Variants in STK4 observed in about 807,000 individuals in gnomAD.
The protein encoded by STK4 is serine/threonine-protein kinase 4.
Under a neutral mutation model 64.9 loss-of-function variants are expected in STK4, and 30 were observed. The observed-to-expected ratio is 0.46, with a 90% CI of 0.35 to 0.63. STK4 has a LOEUF of 0.63. STK4 is among the 20% of genes least tolerant of loss of function. The pLI is 0.01. For missense variants in STK4, 466 were observed against 598.5 expected, an observed-to-expected ratio of 0.78 and a Z score of 2.31; for synonymous variants, 177 against 199.0, an observed-to-expected ratio of 0.89 and a Z score of 0.93.
chr20:45,062,958 GGGATTACAGGT>G (rs1206700269), intron 10 of STK4, among the ~76,000 whole-genome samples: 1 of 136,410 alleles, frequency 7.3e-6, no homozygotes, highest in Non-Finnish European at 1.5e-5. Context: ...CCAAAGTGCT[GGGATTACAGGT>G]GTGAGCCACC....
intron 10 of STK4, among the ~76,000 whole-genome samples, chr20:45,025,859 T>C (rs1258129336): frequency 6.6e-6 from 1 of 152,216 alleles, no homozygotes; most frequent in East Asian, 1.9e-4. Flanking sequence ...AGATTGGGCA[T>C]TGGGCTTGAA....
At chr20:44,974,301 C>T (rs558223141) in intron 2 of STK4, 7 of 152,158 alleles carry the variant, frequency 4.6e-5, no homozygotes, top group Non-Finnish European at 8.8e-5. Context: ...AACAAAGCTT[C>T]AGATCTTTCT....
Position 44,996,659 on chromosome 20 carries a change from A to G in STK4, c.694-510A>G, listed in dbSNP as rs888155198. Among the ~76,000 whole-genome samples the G allele has an allele frequency of 5.3e-5, 8 of 152,128 alleles. No homozygotes were observed. In the East Asian group the frequency reaches 7.7e-4, roughly 15 times the overall value. ...AATGTAACTGCAACGTAGTGGGCCA[A>G]TTTTTAATTTTTCCCCCTCACACAT... On this transcript the variant is annotated intron_variant, in intron 6 of 10. Transcript: ENST00000372806.
chr20:44,972,191 G>T lies in STK4; in HGVS notation c.116+33G>T, dbSNP rs774145341. 1.5e-5 allele frequency: 23 copies of T among 1,578,484 alleles called. No homozygotes were observed. In the East Asian group the frequency reaches 4.7e-4, roughly 32 times the overall value. The stretch of plus-strand genomic sequence containing the variant: ...TAAAGAAACTATAGGTAGGTCATTG[G>T]GTCCCAGTCTTTTTCCTGCCCCAGA... On this transcript the variant is annotated intron_variant, in intron 2 of 10. Transcript: ENST00000372806.
intron 10 of STK4, among the ~76,000 whole-genome samples, chr20:45,046,349 C>T (rs1021257309): frequency 6.6e-6 from 1 of 150,876 alleles, no homozygotes; most frequent in Non-Finnish European, 1.5e-5. Flanking sequence ...GCAGAAGGAT[C>T]GTTTGAGCCC....
intron 2 of STK4, among the ~76,000 whole-genome samples, chr20:44,977,249 G>T (rs2067355430): frequency 6.6e-6 from 1 of 152,194 alleles, no homozygotes; most frequent in East Asian, 1.9e-4. Flanking sequence ...GCTTCTAATG[G>T]AATGGAAATA....
At chr20:45,044,102 T>A (rs2068655909) in intron 10 of STK4, among the ~76,000 whole-genome samples, 1 of 152,248 alleles carries the variant, frequency 6.6e-6, no homozygotes, top group Non-Finnish European at 1.5e-5. Flanking sequence ...TTTCTTCCTT[T>A]CTTTTCCTTA....
At chr20:45,038,740 A>G (rs1267032458) in intron 10 of STK4, among the ~76,000 whole-genome samples, 1 of 152,072 alleles carries the variant, frequency 6.6e-6, no homozygotes, top group Non-Finnish European at 1.5e-5. Context: ...TTTCGTTTAT[A>G]CTAATATTTA....
chr20:44,980,284 G>C (rs34748157), intron 3 of STK4, among the ~76,000 whole-genome samples: 38,688 of 152,062 alleles, frequency 0.25, 5,613 homozygotes, highest in Middle Eastern at 0.43. Context: ...ATGTGTGTGT[G>C]TGTTTTGCTG....
intron 2 of STK4, chr20:44,972,385 T>G (rs530314413): frequency 1.5e-5 from 6 of 407,642 alleles, no homozygotes; most frequent in African/African-American, 1.2e-4. Context: ...TTTTGTAGGA[T>G]CTGTATGATT....
At chr20:45,024,546 A>G (rs956935362) in intron 9 of STK4, among the ~76,000 whole-genome samples, 7 of 152,184 alleles carry the variant, frequency 4.6e-5, no homozygotes, top group African/African-American at 1.7e-4. Flanking sequence ...CTACTGTATC[A>G]TCCCCTCTTC....
rs779790313 is a variant in STK4 at position 45,046,971 on chromosome 20, C to T, written c.1305+21841C>T. Among the ~76,000 whole-genome samples the T allele has an allele frequency of 1.1e-4, 17 of 152,250 alleles. 1 individual carries two copies. The highest frequency in any genetic ancestry group is 6.8e-3 in the Middle Eastern group (2 of 294). ...CTGGGATTACAGGTGTGAGCTACCA[C>T]GCCCAGCCTAATTTGCTTTTCTTAC... On this transcript the variant is annotated intron_variant, in intron 10 of 10. Transcript: ENST00000372806.
At chr20:45,036,464 T>C (rs576263025) in intron 10 of STK4, among the ~76,000 whole-genome samples, 2 of 152,158 alleles carry the variant, frequency 1.3e-5, no homozygotes, top group Non-Finnish European at 2.9e-5. Flanking sequence ...ATAACAGTGC[T>C]TGTGTTCAGG....
At chr20:45,021,197 C>G (rs1220023778) in intron 9 of STK4, among the ~76,000 whole-genome samples, 1 of 151,998 alleles carries the variant, frequency 6.6e-6, no homozygotes, top group African/African-American at 2.4e-5. Flanking sequence ...ATAGCCAGGC[C>G]CAGAGTCATT....
Position 45,047,726 on chromosome 20 carries a change from A to C in STK4, c.1305+22596A>C, listed in dbSNP as rs146540493. Among the ~76,000 whole-genome samples, 13 of 152,384 alleles carry C rather than the reference A, an allele frequency of 8.5e-5. No individual in the cohort carries two copies. In the East Asian group the frequency reaches 2.5e-3, roughly 29 times the overall value. ...TTCCCTTGATCGAATTGGATAAAGCATAAAGCATTTAGCAAAGTGCCTGGC... is the reference window on the plus strand; with the variant it reads ...TTCCCTTGATCGAATTGGATAAAGCCTAAAGCATTTAGCAAAGTGCCTGGC... On this transcript the variant is annotated intron_variant, in intron 10 of 10. Transcript: ENST00000372806.
intron 10 of STK4, among the ~76,000 whole-genome samples, chr20:45,061,918 C>T (rs77401829): frequency 0.12 from 16,069 of 129,296 alleles, 1,189 homozygotes; most frequent in Middle Eastern, 0.31. Context: ...CTCTGTCTGT[C>T]GCCCACGCTG....
intron 9 of STK4, among the ~76,000 whole-genome samples, chr20:45,003,488 T>A (rs1429117494): frequency 6.6e-6 from 1 of 152,178 alleles, no homozygotes; most frequent in African/African-American, 2.4e-5. Flanking sequence ...ATAAAAATTG[T>A]GTAATTCATG....
At chr20:44,998,600 T>C (rs1034467783) in intron 7 of STK4, among the ~76,000 whole-genome samples, 4 of 152,150 alleles carry the variant, frequency 2.6e-5, no homozygotes, top group Non-Finnish European at 5.9e-5. Context: ...TTTATGCCCA[T>C]AATTTAAAAA....
At chr20:45,067,667 C>A (rs1043062323) in intron 10 of STK4, among the ~76,000 whole-genome samples, 1 of 152,218 alleles carries the variant, frequency 6.6e-6, no homozygotes, top group African/African-American at 2.4e-5. Context: ...TTTGAATTAT[C>A]TCTGTGATGA....
Sources: allele counts gnomAD v4.1 joint callset (sites outside exome capture counted in the v4.1 genomes callset), GRCh38; gene constraint gnomAD v4.1.1; transcripts MANE v1.5; gene names NCBI Gene and HGNC (gene_info 2026-07-23, HGNC 2026-07-21).